The following PID1 variants were observed in gnomAD, a reference collection of about 807,000 sequenced individuals.
The protein encoded by PID1 is PTB-containing, cubilin and LRP1-interacting protein.
A neutral mutation model predicts 19.1 loss-of-function variants in PID1; 10 were observed. The ratio of observed to expected loss-of-function variants is 0.52; its 90% CI spans 0.32 to 0.89. The LOEUF is 0.89. PID1 is among the 40% of genes least tolerant of loss of function. The pLI is 0.03. For missense variants in PID1, 248 were observed against 285.3 expected (o/e 0.87, Z 0.94); for synonymous variants, 130 against 116.0 (o/e 1.12, Z -0.78).
At chr2:229,257,212 T>C (rs1690323958) in intron 1 of PID1, among the ~76,000 whole-genome samples, 1 of 152,216 alleles carries the variant, frequency 6.6e-6, no homozygotes, top group African/African-American at 2.4e-5. Context: ...GGTGAGCATG[T>C]GATGTCTTGG....
chr2:229,165,414 A>G (rs1214012199), intron 1 of PID1, among the ~76,000 whole-genome samples: 1 of 152,072 alleles, frequency 6.6e-6, no homozygotes, highest in Non-Finnish European at 1.5e-5. Context: ...AGCCTGGGCA[A>G]GATGGTGAAA....
At chr2:229,130,329 C>T (rs112506932) in intron 2 of PID1, among the ~76,000 whole-genome samples, 1 of 152,206 alleles carries the variant, frequency 6.6e-6, no homozygotes, top group Non-Finnish European at 1.5e-5. Context: ...CAGCGCTTCT[C>T]AGAGACCAGA....
At chr2:229,140,536 C>T (rs1689990366) in intron 2 of PID1, among the ~76,000 whole-genome samples, 1 of 152,010 alleles carries the variant, frequency 6.6e-6, no homozygotes, top group African/African-American at 2.4e-5. Context: ...TTTCCTTCTC[C>T]TGGCATATGA....
chr2:229,265,358 G>A (rs914914844), intron 1 of PID1, among the ~76,000 whole-genome samples: 15 of 152,230 alleles, frequency 9.9e-5, no homozygotes, highest in Non-Finnish European at 1.5e-4. Flanking sequence ...TGGAAGCATT[G>A]AAATATGCCA....
At chr2:229,049,447 A>G (rs761008918) in intron 2 of PID1, among the ~76,000 whole-genome samples, 3 of 152,184 alleles carry the variant, frequency 2.0e-5, no homozygotes, top group African/African-American at 2.4e-5. Flanking sequence ...TAAATAAATA[A>G]TATGGGGTGG....
chr2:229,136,113 G>T (rs1689853517), intron 2 of PID1, among the ~76,000 whole-genome samples: 1 of 152,176 alleles, frequency 6.6e-6, no homozygotes, highest in African/African-American at 2.4e-5. Context: ...TCAGATGAAA[G>T]CCAACTGCCA....
At chr2:229,203,450 A>T (rs1691541354) in intron 1 of PID1, among the ~76,000 whole-genome samples, 1 of 152,172 alleles carries the variant, frequency 6.6e-6, no homozygotes. Flanking sequence ...TTTTCTTTAT[A>T]ACATTGATGA....
chr2:229,125,220 T>C (rs967716658), intron 2 of PID1, among the ~76,000 whole-genome samples: 2 of 152,190 alleles, frequency 1.3e-5, no homozygotes, highest in Non-Finnish European at 2.9e-5. Context: ...TACTGAATTC[T>C]ATGACATTCT....
At chr2:229,226,725 C>A (rs1692085020) in intron 1 of PID1, among the ~76,000 whole-genome samples, 1 of 152,196 alleles carries the variant, frequency 6.6e-6, no homozygotes, top group African/African-American at 2.4e-5. Context: ...ATTTCTTTCT[C>A]ATGAAACTTG....
intron 1 of PID1, among the ~76,000 whole-genome samples, chr2:229,162,620 G>C (rs1690513251): frequency 6.6e-6 from 1 of 152,186 alleles, no homozygotes; most frequent in Non-Finnish European, 1.5e-5. Flanking sequence ...GGGTGAATCA[G>C]ATTAATGGAA....
intron 2 of PID1, among the ~76,000 whole-genome samples, chr2:229,053,620 ATGGAGT>A (rs1694037719): frequency 6.6e-6 from 1 of 152,224 alleles, no homozygotes; most frequent in Non-Finnish European, 1.5e-5. Context: ...CTTGGCCTGC[ATGGAGT>A]TCCCAACTCA....
intron 1 of PID1, among the ~76,000 whole-genome samples, chr2:229,217,800 C>G (rs1457830734): frequency 6.6e-6 from 1 of 152,232 alleles, no homozygotes; most frequent in African/African-American, 2.4e-5. Context: ...CTTCTCATGG[C>G]ATTCCAAGGT....
At chr2:229,214,629 G>A (rs983822244) in intron 1 of PID1, among the ~76,000 whole-genome samples, 1 of 152,068 alleles carries the variant, frequency 6.6e-6, no homozygotes, top group African/African-American at 2.4e-5. Context: ...CCTGTTCACT[G>A]TAAAAAATAA....
chr2:229,196,783 G>A (rs1007624783), intron 1 of PID1, among the ~76,000 whole-genome samples: 2 of 151,904 alleles, frequency 1.3e-5, no homozygotes, highest in Non-Finnish European at 2.9e-5. Context: ...CCATAATACT[G>A]GAACTAATAA....
intron 1 of PID1, among the ~76,000 whole-genome samples, chr2:229,211,327 T>C (rs1419937): frequency 0.44 from 66,915 of 151,632 alleles, 16,062 homozygotes; most frequent in East Asian, 0.76. Flanking sequence ...GTCCTTCACT[T>C]ACTTGTTCAT....
rs1273377953 is a variant in PID1, at chr2:229,139,146, A to AAAGC, written c.177+16668_177+16671dup. On this transcript the variant is annotated intron_variant, in intron 2 of 2. Coordinates refer to ENST00000392055, the MANE Select transcript of PID1 (RefSeq NM_001100818.2). The stretch of plus-strand genomic sequence containing the variant: ...GAAAGAAAGAAAGAAAGAAAGAAAG[A>AAAGC]AAGCAAGCGAGCGAGCAAGCGAGCT... Among the ~76,000 whole-genome samples, 52 of 109,028 alleles carry AAAGC rather than the reference A, an allele frequency of 4.8e-4. 4 individuals are homozygous for AAAGC. Among genetic ancestry groups the AAAGC allele is most frequent in the African/African-American group, 1.1e-3 (30 of 27,248 alleles). 71.5% of individuals were successfully genotyped at this position (109,028 alleles called of 152,430 possible). A position where few individuals can be genotyped will look rare whatever the true frequency, so the allele number is the denominator to read the frequency against.
rs1293335382 is a variant in PID1, at chr2:229,265,460, A to T, written c.30+5554T>A. Among the ~76,000 whole-genome samples the T allele has an allele frequency of 2.6e-5, 4 of 152,384 alleles. No individual in the cohort carries two copies. In the East Asian group the frequency reaches 7.7e-4, roughly 29 times the overall value. The stretch of plus-strand genomic sequence containing the variant: ...GACCTGGTGAATACACTGATGCTTT[A>T]TCACTGATTAGCAGCTAAATAGGGA... On this transcript the variant is annotated intron_variant, in intron 1 of 2. Transcript: ENST00000392055.
chr2:229,065,147 A>G (rs1321954259), intron 2 of PID1, among the ~76,000 whole-genome samples: 2 of 152,210 alleles, frequency 1.3e-5, no homozygotes, highest in Non-Finnish European at 2.9e-5. Flanking sequence ...GTAAGTATCC[A>G]GGACTTTCAG....
At chr2:229,144,830 GT>G (rs1300894724) in intron 2 of PID1, among the ~76,000 whole-genome samples, 3 of 151,898 alleles carry the variant, frequency 2.0e-5, no homozygotes, top group East Asian at 3.9e-4. Flanking sequence ...AATATTTTAT[GT>G]TTAGTTTTTT....
Sources: allele counts gnomAD v4.1 joint callset (sites outside exome capture counted in the v4.1 genomes callset), GRCh38; gene constraint gnomAD v4.1.1; transcripts MANE v1.5; gene names NCBI Gene and HGNC (gene_info 2026-07-23, HGNC 2026-07-21).